ZMAT4: variants seen among roughly 807,000 people sequenced by gnomAD.
ZMAT4 encodes zinc finger matrin-type protein 4.
In ZMAT4, 17 loss-of-function variants were observed where a neutral mutation model predicts 28.7. The observed-to-expected ratio is 0.59, with a 90% CI of 0.41 to 0.89. The LOEUF is 0.89. Among genes scored for constraint, ZMAT4 ranks in the 40% least tolerant of loss-of-function variants. ZMAT4 has a pLI of 0.00. For synonymous variants in ZMAT4, 117 were observed against 109.2 expected, an observed-to-expected ratio of 1.07 and a Z score of -0.44; for missense variants, 240 against 283.8, an observed-to-expected ratio of 0.85 and a Z score of 1.11.
intron 1 of ZMAT4, among the ~76,000 whole-genome samples, chr8:40,890,363 T>C (rs1192292099): frequency 6.6e-6 from 1 of 152,132 alleles, no homozygotes; most frequent in African/African-American, 2.4e-5. Flanking sequence ...CTCTTTCACC[T>C]AACACTATGA....
At chr8:40,793,765 T>A (rs764729961) in intron 2 of ZMAT4, among the ~76,000 whole-genome samples, 1 of 152,206 alleles carries the variant, frequency 6.6e-6, no homozygotes, top group Non-Finnish European at 1.5e-5. Context: ...TTTCTCAAGG[T>A]TGAGGGGTCC....
At chr8:40,665,120 C>T (rs901876177) in intron 5 of ZMAT4, among the ~76,000 whole-genome samples, 3 of 152,144 alleles carry the variant, frequency 2.0e-5, no homozygotes, top group African/African-American at 7.2e-5. Flanking sequence ...GCAGGAGAAT[C>T]ACTTGAACCT....
At chr8:40,883,338 T>G (rs1019532454) in intron 1 of ZMAT4, among the ~76,000 whole-genome samples, 7 of 152,204 alleles carry the variant, frequency 4.6e-5, no homozygotes, top group African/African-American at 1.7e-4. Context: ...CCTGTAGACA[T>G]GGAAATAGAA....
chr8:40,647,828 C>G (rs1287306800), intron 5 of ZMAT4, among the ~76,000 whole-genome samples: 1 of 152,176 alleles, frequency 6.6e-6, no homozygotes, highest in Non-Finnish European at 1.5e-5. Context: ...TGACACCTCA[C>G]ACGCAGGGTA....
chr8:40,831,956 T>C (rs1410127261), intron 1 of ZMAT4, among the ~76,000 whole-genome samples: 6 of 152,226 alleles, frequency 3.9e-5, no homozygotes, highest in African/African-American at 1.4e-4. Context: ...AAGAGCTGTG[T>C]AGACTTGTCA....
At chr8:40,637,390 C>G (rs1806834610) in intron 5 of ZMAT4, among the ~76,000 whole-genome samples, 1 of 152,144 alleles carries the variant, frequency 6.6e-6, no homozygotes, top group Non-Finnish European at 1.5e-5. Context: ...AGGCTGACAT[C>G]CCAGCAAATG....
chr8:40,888,654 G>A (rs889195151), intron 1 of ZMAT4: 9 of 152,262 alleles, frequency 5.9e-5, no homozygotes, highest in African/African-American at 1.9e-4. Flanking sequence ...TTCACCCCGT[G>A]GAGACTGTCT....
intron 3 of ZMAT4, among the ~76,000 whole-genome samples, chr8:40,743,075 A>G (rs1812080877): frequency 6.6e-6 from 1 of 152,140 alleles, no homozygotes; most frequent in South Asian, 2.1e-4. Context: ...AAAATTATCC[A>G]GGCATGGTGG....
chr8:40,599,121 C>T (rs1805203838), intron 5 of ZMAT4, among the ~76,000 whole-genome samples: 1 of 152,130 alleles, frequency 6.6e-6, no homozygotes, highest in African/African-American at 2.4e-5. Flanking sequence ...TACACATTCC[C>T]TTATTGTAAT....
chr8:40,824,069 G>A (rs529133191), intron 2 of ZMAT4, among the ~76,000 whole-genome samples: 1 of 152,104 alleles, frequency 6.6e-6, no homozygotes, highest in South Asian at 2.1e-4. Context: ...TGTCTTTCTG[G>A]GTGCGTATGT....
chr8:40,739,394 A>G (rs1406017957), intron 3 of ZMAT4, among the ~76,000 whole-genome samples: 1 of 152,200 alleles, frequency 6.6e-6, no homozygotes, highest in Non-Finnish European at 1.5e-5. Context: ...CCCTTTTCAA[A>G]ATAACATATT....
intron 3 of ZMAT4, among the ~76,000 whole-genome samples, chr8:40,730,789 T>G (rs1811503572): frequency 1.3e-5 from 2 of 152,204 alleles, no homozygotes; most frequent in Non-Finnish European, 2.9e-5. Context: ...ATTCCTGGAA[T>G]CTGTTTCCCC....
At chr8:40,606,958 C>G (rs1353201962) in intron 5 of ZMAT4, among the ~76,000 whole-genome samples, 1 of 152,026 alleles carries the variant, frequency 6.6e-6, no homozygotes, top group Non-Finnish European at 1.5e-5. Flanking sequence ...ACTTTGTCTT[C>G]AAGCTCAGAA....
chr8:40,760,097 G>A lies in ZMAT4; in HGVS notation c.192+7544C>T, dbSNP rs542585552. 1.0e-3 allele frequency among the ~76,000 whole-genome samples: 156 copies of A among 152,172 alleles called. 1 individual carries two copies. The highest frequency in any genetic ancestry group is 3.6e-3 in the African/African-American group (151 of 41,534). On this transcript the variant is annotated intron_variant, in intron 3 of 6. Transcript: ENST00000297737. Reference sequence around the variant, plus strand: ...GAGCACTGAGAGCTTATGCAAGAATGCAGACAAGACACCACTACTGCCAAC... The same window carrying A: ...GAGCACTGAGAGCTTATGCAAGAATACAGACAAGACACCACTACTGCCAAC...
chr8:40,604,146 A>AACC (rs1805498711), intron 5 of ZMAT4, among the ~76,000 whole-genome samples: 1 of 152,170 alleles, frequency 6.6e-6, no homozygotes, highest in Non-Finnish European at 1.5e-5. Flanking sequence ...TTCTAGGTAT[A>AACC]CAATCCTATC....
chr8:40,591,519 CCA>C lies in ZMAT4; in HGVS notation c.578-10260_578-10259del, dbSNP rs1440809214. On this transcript the variant is annotated intron_variant, in intron 5 of 6. Transcript: ENST00000297737. ...AGCCTCCAGTTTGTCCTCCTGGGCT[CCA>C]GTTTCCCCCTCCCCACCCCAGTACC... 7.9e-5 allele frequency among the ~76,000 whole-genome samples: 12 copies of C among 152,296 alleles called. No individual in the cohort carries two copies. The East Asian group carries it at 2.3e-3, about 29-fold the overall frequency.
chr8:40,818,607 C>T (rs777136601), intron 2 of ZMAT4, among the ~76,000 whole-genome samples: 1 of 152,202 alleles, frequency 6.6e-6, no homozygotes, highest in Non-Finnish European at 1.5e-5. Context: ...TCCTCCCAGG[C>T]ATCCTGCCAT....
At chr8:40,866,595 T>C (rs1017274478) in intron 1 of ZMAT4, among the ~76,000 whole-genome samples, 4 of 152,204 alleles carry the variant, frequency 2.6e-5, no homozygotes, top group African/African-American at 9.6e-5. Flanking sequence ...TTTATCTTTT[T>C]TTCCCCCTAA....
chr8:40,734,556 A>G (rs1402361562), intron 3 of ZMAT4, among the ~76,000 whole-genome samples: 3 of 152,196 alleles, frequency 2.0e-5, no homozygotes, highest in South Asian at 4.1e-4. Context: ...GAGAGAGAGT[A>G]GAAGTAGCCT....
Sources: allele counts gnomAD v4.1 joint callset (sites outside exome capture counted in the v4.1 genomes callset), GRCh38; gene constraint gnomAD v4.1.1; transcripts MANE v1.5; gene names NCBI Gene and HGNC (gene_info 2026-07-23, HGNC 2026-07-21).